TNPO1: variants seen among roughly 807,000 people sequenced by gnomAD.
TNPO1 encodes transportin 1.
In TNPO1, 8 loss-of-function variants were observed where a neutral mutation model predicts 119.5. That is an observed-to-expected ratio of 0.07 (90% CI 0.04 to 0.12). TNPO1 has a LOEUF of 0.12. Ranked by LOEUF, TNPO1 falls within the 10% of genes least tolerant of loss-of-function variation. TNPO1 has a pLI of 1.00. For synonymous variants in TNPO1, 362 were observed against 363.0 expected, an observed-to-expected ratio of 1.00 and a Z score of 0.03; for missense variants, 576 against 1,089.8, an observed-to-expected ratio of 0.53 and a Z score of 6.64.
At position 72,913,431 on chromosome 5, in the gene TNPO1, T is replaced by G. The variant is rs189272838; in HGVS notation, c.*4758T>G. 18 of 152,556 alleles carry G rather than the reference T, an allele frequency of 1.2e-4. No homozygotes were observed. Among genetic ancestry groups the G allele is most frequent in the African/African-American group, 4.1e-4 (17 of 41,578 alleles). The allele number at this position is 152,556 out of a possible 1,614,324, so 9.5% of individuals were successfully genotyped here. On this transcript the variant is annotated 3_prime_UTR_variant, in exon 25 of 25. Coordinates refer to ENST00000337273, the MANE Select transcript of TNPO1 (RefSeq NM_002270.4). ...GTTCATTGTGGTTTGTATCCCAGAA[T>G]GTGTTGTGTTTTTTAAAAGATGCAT...
At chr5:72,891,722 C>T in intron 14 of TNPO1, 88 bp from the exon 15 acceptor site, 1 of 963,230 alleles carries the variant, frequency 1.0e-6, no homozygotes. Flanking sequence ...CACAATTGCT[C>T]AAAATGGATT....
intron 5 of TNPO1, 87 bp downstream of exon 5, chr5:72,862,001 C>T: frequency 2.2e-6 from 2 of 899,510 alleles, no homozygotes; most frequent in Non-Finnish European, 3.5e-6. Flanking sequence ...AAAATAGTTC[C>T]TCTGAAACAT....
chr5:72,904,801 C>CA (rs767211088), intron 23 of TNPO1, among the ~76,000 whole-genome samples: 10 of 152,038 alleles, frequency 6.6e-5, no homozygotes, highest in Non-Finnish European at 1.2e-4. Context: ...CTGTCCCCGC[C>CA]ACACACACAA....
intron 1 of TNPO1, among the ~76,000 whole-genome samples, chr5:72,841,145 A>T (rs1410151764): frequency 2.1e-5 from 3 of 143,802 alleles, no homozygotes; most frequent in African/African-American, 7.8e-5. Context: ...TTGGAGACCG[A>T]ATTTCCCTCT....
intron 5 of TNPO1, among the ~76,000 whole-genome samples, chr5:72,864,704 G>A (rs1254795656): frequency 6.6e-6 from 1 of 152,010 alleles, no homozygotes; most frequent in African/African-American, 2.4e-5. Flanking sequence ...TGCCTCCCAG[G>A]TTCAAGTGAT....
At chr5:72,889,327 G>C (rs1229237323) in intron 13 of TNPO1, among the ~76,000 whole-genome samples, 3 of 152,106 alleles carry the variant, frequency 2.0e-5, no homozygotes, top group Non-Finnish European at 2.9e-5. Flanking sequence ...CAAAGTGCTG[G>C]GATTGCAGGC....
intron 1 of TNPO1, among the ~76,000 whole-genome samples, chr5:72,830,192 A>T (rs1296210956): frequency 6.6e-6 from 1 of 152,132 alleles, no homozygotes; most frequent in Non-Finnish European, 1.5e-5. Context: ...CTTTGTTTTA[A>T]CCTTACATCC....
At chr5:72,853,060 A>G (rs751140672) in intron 3 of TNPO1, among the ~76,000 whole-genome samples, 5 of 152,202 alleles carry the variant, frequency 3.3e-5, no homozygotes, top group African/African-American at 9.6e-5. Flanking sequence ...CATTCCAAAT[A>G]TTAGGATTGT....
At chr5:72,893,021 T>C in intron 15 of TNPO1, 118 bp from the exon 16 acceptor site, 1 of 719,110 alleles carries the variant, frequency 1.4e-6, no homozygotes, top group Non-Finnish European at 2.3e-6. Context: ...CCTGCTACTG[T>C]AGAAACTAGT....
chr5:72,896,706 C>A, intron 19 of TNPO1, 150 bp downstream of exon 19: 1 of 566,994 alleles, frequency 1.8e-6, no homozygotes, highest in Non-Finnish European at 3.0e-6. Flanking sequence ...CCCGTCTCTA[C>A]TAAAAATACA....
chr5:72,904,296 G>GA lies in TNPO1; in HGVS notation c.2589+519dup, dbSNP rs562389153. Among the ~76,000 whole-genome samples the GA allele has an allele frequency of 1.5e-4, 23 of 152,280 alleles. No individual in the cohort carries two copies. In the East Asian group the frequency reaches 4.4e-3, roughly 29 times the overall value. ...CTCAAAGCTTGTGTATTTGCAGTTT[G>GA]AAAAAATACGACATAAAAATTGTAT... On this transcript the variant is annotated intron_variant, in intron 23 of 24. Transcript: ENST00000337273.
chr5:72,824,917 A>G (rs935448435), intron 1 of TNPO1, among the ~76,000 whole-genome samples: 1 of 152,102 alleles, frequency 6.6e-6, no homozygotes, highest in African/African-American at 2.4e-5. Flanking sequence ...TTTCTCCCCA[A>G]TGCCTGCTTT....
At chr5:72,894,219 C>G (rs1749257350) in intron 18 of TNPO1, among the ~76,000 whole-genome samples, 1 of 151,030 alleles carries the variant, frequency 6.6e-6, no homozygotes, top group Non-Finnish European at 1.5e-5. Flanking sequence ...GTCAGGAGTG[C>G]GAGATTCGAG....
At chr5:72,837,731 G>A (rs899152686) in intron 1 of TNPO1, among the ~76,000 whole-genome samples, 13 of 152,266 alleles carry the variant, frequency 8.5e-5, no homozygotes, top group African/African-American at 2.9e-4. Flanking sequence ...AGTGTGCAGG[G>A]AACAAACATT....
intron 1 of TNPO1, among the ~76,000 whole-genome samples, chr5:72,825,254 T>G (rs1744151743): frequency 6.6e-6 from 1 of 152,184 alleles, no homozygotes; most frequent in Admixed American, 6.5e-5. Context: ...TTTCGCAAAT[T>G]AAGACAGTCC....
chr5:72,846,084 C>T (rs556911020), intron 1 of TNPO1, among the ~76,000 whole-genome samples: 5 of 152,134 alleles, frequency 3.3e-5, no homozygotes, highest in African/African-American at 9.7e-5. Context: ...ATATTGTTGG[C>T]GTGTGTGAAT....
chr5:72,851,937 A>G (rs1479080013), intron 3 of TNPO1, among the ~76,000 whole-genome samples: 2 of 152,246 alleles, frequency 1.3e-5, no homozygotes, highest in African/African-American at 4.8e-5. Context: ...GATTGAATGT[A>G]GGTTTTAATA....
In TNPO1 at chr5:72,912,853, T is replaced by C. The variant is rs568552553; in HGVS notation, c.*4180T>C. ...TCTATATTATTCATATTGAATGTAT[T>C]AACAGATAATGGTGCAAAAGCATTC... is the stretch of plus-strand genomic sequence containing the variant. On this transcript the variant is annotated 3_prime_UTR_variant, in exon 25 of 25. Transcript: ENST00000337273. 5.2e-5 allele frequency: 8 copies of C among 152,644 alleles called. No homozygotes were observed. The South Asian group carries it at 1.7e-3, about 32-fold the overall frequency. 9.5% of individuals were successfully genotyped at this position (152,644 alleles called of 1,614,324 possible).
intron 23 of TNPO1, among the ~76,000 whole-genome samples, chr5:72,904,969 G>A (rs1438317654): frequency 6.6e-6 from 1 of 152,164 alleles, no homozygotes; most frequent in Non-Finnish European, 1.5e-5. Flanking sequence ...AGTGAAACGG[G>A]TTTCCCCTTA....
Sources: allele counts gnomAD v4.1 joint callset (sites outside exome capture counted in the v4.1 genomes callset), GRCh38; gene constraint gnomAD v4.1.1; transcripts MANE v1.5; gene names NCBI Gene and HGNC (gene_info 2026-07-23, HGNC 2026-07-21).